The following GPC6 variants were observed in gnomAD, a reference collection of about 807,000 sequenced individuals.
GPC6 encodes the protein glypican-6.
GPC6 carries 14 observed loss-of-function variants against 55.2 expected under a neutral mutation model. That is an observed-to-expected ratio of 0.25 (90% CI 0.17 to 0.40). The LOEUF (loss-of-function observed/expected upper bound fraction) is 0.40. GPC6 is among the 10% of genes least tolerant of loss of function. The pLI, the probability that GPC6 is intolerant of heterozygous loss-of-function variation, is 1.00. For missense variants in GPC6, 641 were observed against 708.5 expected (o/e 0.90, Z 1.08); for synonymous variants, 278 against 259.6 (o/e 1.07, Z -0.68).
intron 2 of GPC6, among the ~76,000 whole-genome samples, chr13:93,759,617 C>T (rs1272962166): frequency 6.6e-6 from 1 of 152,118 alleles, no homozygotes; most frequent in Non-Finnish European, 1.5e-5. Context: ...TCTTTAGTTT[C>T]AGTGGTAGGA....
chr13:93,715,191 C>T (rs1039417657), intron 2 of GPC6, among the ~76,000 whole-genome samples: 9 of 151,654 alleles, frequency 5.9e-5, no homozygotes, highest in African/African-American at 9.7e-5. Flanking sequence ...TTCACAAAAA[C>T]AAACACGTGG....
At chr13:93,950,591 C>T (rs189032808) in intron 3 of GPC6, among the ~76,000 whole-genome samples, 4 of 152,222 alleles carry the variant, frequency 2.6e-5, no homozygotes, top group East Asian at 1.9e-4. Context: ...ACAATTGCTC[C>T]GTCTGATCCC....
chr13:94,337,263 T>C (rs572613681), intron 6 of GPC6, among the ~76,000 whole-genome samples: 6 of 152,268 alleles, frequency 3.9e-5, no homozygotes, highest in Non-Finnish European at 7.4e-5. Flanking sequence ...GAAGCCTTGA[T>C]ATTCTCATCT....
Position 93,451,125 on chromosome 13 carries a change from G to A in GPC6, c.161-94138G>A, listed in dbSNP as rs115077060. ...AAAGATAATGTCTAATTGAAGGGCTGGGCAACTGGGTATATCATTGAGATA... is the reference window on the plus strand; with the variant it reads ...AAAGATAATGTCTAATTGAAGGGCTAGGCAACTGGGTATATCATTGAGATA... On this transcript the variant is annotated intron_variant, in intron 1 of 8. Transcript: ENST00000377047. Among the ~76,000 whole-genome samples the A allele has an allele frequency of 6.3e-3, 954 of 152,326 alleles. 15 individuals carry two copies. Among genetic ancestry groups the A allele is most frequent in the African/African-American group, 0.022 (899 of 41,566 alleles).
intron 3 of GPC6, among the ~76,000 whole-genome samples, chr13:93,917,462 G>A (rs1877348304): frequency 6.6e-6 from 1 of 152,120 alleles, no homozygotes; most frequent in Admixed American, 6.6e-5. Context: ...GATGCACCAT[G>A]AAATCTAATA....
intron 3 of GPC6, among the ~76,000 whole-genome samples, chr13:93,943,093 A>G (rs1424993396): frequency 2.6e-5 from 4 of 152,186 alleles, no homozygotes; most frequent in Non-Finnish European, 5.9e-5. Flanking sequence ...ACGTATCCTC[A>G]GTGTCTTTCC....
At chr13:93,738,674 G>C (rs1021849845) in intron 2 of GPC6, among the ~76,000 whole-genome samples, 3 of 152,012 alleles carry the variant, frequency 2.0e-5, no homozygotes, top group African/African-American at 7.2e-5. Context: ...AGGAGAGAGA[G>C]GAGGGGAAGT....
intron 5 of GPC6, among the ~76,000 whole-genome samples, chr13:94,287,438 C>T (rs181178524): frequency 6.6e-6 from 1 of 152,260 alleles, no homozygotes; most frequent in Non-Finnish European, 1.5e-5. Flanking sequence ...AGTAGGAAGA[C>T]ATTGCAGAGC....
intron 3 of GPC6, among the ~76,000 whole-genome samples, chr13:93,941,610 G>A (rs945512934): frequency 1.3e-5 from 2 of 152,168 alleles, no homozygotes; most frequent in Admixed American, 6.5e-5. Context: ...GACTTGTGAA[G>A]CAGTCAAGAT....
intron 3 of GPC6, among the ~76,000 whole-genome samples, chr13:93,843,358 T>A (rs936237202): frequency 6.6e-6 from 1 of 152,156 alleles, no homozygotes; most frequent in Non-Finnish European, 1.5e-5. Context: ...AATTTACTGA[T>A]CACTTTATAC....
chr13:93,303,393 G>A (rs1269019033), intron 1 of GPC6, among the ~76,000 whole-genome samples: 2 of 152,116 alleles, frequency 1.3e-5, no homozygotes, highest in Non-Finnish European at 2.9e-5. Flanking sequence ...GAAATCTTTA[G>A]GACAGTAGCT....
intron 4 of GPC6, among the ~76,000 whole-genome samples, chr13:94,123,778 A>G (rs998743716): frequency 1.3e-5 from 2 of 152,104 alleles, no homozygotes; most frequent in Non-Finnish European, 2.9e-5. Context: ...TCTTGGGAAC[A>G]CAAGATTACA....
intron 2 of GPC6, among the ~76,000 whole-genome samples, chr13:93,763,842 T>C (rs1354113889): frequency 6.7e-6 from 1 of 149,944 alleles, no homozygotes; most frequent in Non-Finnish European, 1.5e-5. Context: ...TTTTTTTTTA[T>C]CTAGGCCATG....
chr13:93,393,127 TAGAGAG>T (rs144440794), intron 1 of GPC6, among the ~76,000 whole-genome samples: 12,130 of 87,006 alleles, frequency 0.14, 639 homozygotes, highest in Non-Finnish European at 0.21. Context: ...TATATATATA[TAGAGAG>T]AGAGAGAGAG....
chr13:93,472,426 C>A (rs1217681999), intron 1 of GPC6, among the ~76,000 whole-genome samples: 1 of 152,252 alleles, frequency 6.6e-6, no homozygotes, highest in East Asian at 1.9e-4. Flanking sequence ...TGGGGTCCGG[C>A]CACTGTGCTG....
intron 6 of GPC6, among the ~76,000 whole-genome samples, chr13:94,351,962 C>CAAAAAAAAA (rs60206836): frequency 6.9e-5 from 7 of 101,544 alleles, no homozygotes; most frequent in East Asian, 3.1e-4. Context: ...GAGAAGAAGG[C>CAAAAAAAAA]AAAAAAAAAA....
chr13:93,879,776 T>C (rs372016520), intron 3 of GPC6, among the ~76,000 whole-genome samples: 9,967 of 151,714 alleles, frequency 0.066, 1,034 homozygotes, highest in African/African-American at 0.22. Flanking sequence ...AGTGAACAGG[T>C]AACCTACAAA....
chr13:93,447,475 T>G (rs1370324614), intron 1 of GPC6, among the ~76,000 whole-genome samples: 2 of 152,214 alleles, frequency 1.3e-5, no homozygotes, highest in Non-Finnish European at 2.9e-5. Context: ...CCTCTGTCCA[T>G]TCTGCTCCAT....
chr13:93,231,399 A>ATATG (rs1594041945), intron 1 of GPC6, among the ~76,000 whole-genome samples: 2 of 33,228 alleles, frequency 6.0e-5, no homozygotes, highest in East Asian at 8.3e-4. Flanking sequence ...ATATATATGT[A>ATATG]TATATATATA....
Sources: allele counts gnomAD v4.1 joint callset (sites outside exome capture counted in the v4.1 genomes callset), GRCh38; gene constraint gnomAD v4.1.1; transcripts MANE v1.5; gene names NCBI Gene and HGNC (gene_info 2026-07-23, HGNC 2026-07-21).